The following SYN3 variants were observed in gnomAD, a reference collection of about 807,000 sequenced individuals.
SYN3 encodes synapsin III.
Under a neutral mutation model 65.8 loss-of-function variants are expected in SYN3, and 35 were observed. The ratio of observed to expected loss-of-function variants is 0.53; its 90% CI spans 0.41 to 0.70. SYN3 has a LOEUF of 0.70. SYN3 is among the 30% of genes least tolerant of loss of function. The pLI, the probability that SYN3 is intolerant of heterozygous loss-of-function variation, is 0.00. For synonymous variants in SYN3, 270 were observed against 292.9 expected, an observed-to-expected ratio of 0.92 and a Z score of 0.80; for missense variants, 680 against 749.0, an observed-to-expected ratio of 0.91 and a Z score of 1.08.
At chr22:32,794,816 G>C (rs1437194317) in intron 6 of SYN3, among the ~76,000 whole-genome samples, 2 of 152,214 alleles carry the variant, frequency 1.3e-5, no homozygotes, top group Non-Finnish European at 2.9e-5. Flanking sequence ...GGTGACTCTA[G>C]CTGAATCCTG....
At chr22:32,624,350 A>C (rs1418650084) in intron 6 of SYN3, among the ~76,000 whole-genome samples, 1 of 152,200 alleles carries the variant, frequency 6.6e-6, no homozygotes, top group African/African-American at 2.4e-5. Flanking sequence ...TCTGCCTTGC[A>C]GTCCCCAGGA....
At chr22:32,993,252 G>T (rs189653675) in intron 2 of SYN3, among the ~76,000 whole-genome samples, 1 of 152,086 alleles carries the variant, frequency 6.6e-6, no homozygotes, top group African/African-American at 2.4e-5. Flanking sequence ...GGGGCCCGGG[G>T]ATCCAGGGAC....
chr22:32,522,250 G>C (rs370739610), intron 12 of SYN3, among the ~76,000 whole-genome samples: 1 of 152,142 alleles, frequency 6.6e-6, no homozygotes, highest in East Asian at 1.9e-4. Context: ...TAATCTGAGC[G>C]TTAATTCACT....
intron 6 of SYN3, among the ~76,000 whole-genome samples, chr22:32,690,913 C>T (rs1242422323): frequency 2.0e-5 from 3 of 152,170 alleles, no homozygotes; most frequent in Admixed American, 6.5e-5. Flanking sequence ...ACTCCAGAGG[C>T]AGAGGCTGGA....
At chr22:32,795,167 A>G (rs1203491892) in intron 6 of SYN3, among the ~76,000 whole-genome samples, 1 of 152,232 alleles carries the variant, frequency 6.6e-6, no homozygotes, top group Non-Finnish European at 1.5e-5. Flanking sequence ...AGCACAAGTG[A>G]ATCATTTCAA....
chr22:32,682,374 C>T (rs2147117943), intron 6 of SYN3, among the ~76,000 whole-genome samples: 1 of 152,300 alleles, frequency 6.6e-6, no homozygotes, highest in Middle Eastern at 3.4e-3. Flanking sequence ...ATTTGACTTA[C>T]ATTTTGCAAG....
At chr22:32,821,626 G>A (rs1247673603) in intron 6 of SYN3, among the ~76,000 whole-genome samples, 1 of 152,226 alleles carries the variant, frequency 6.6e-6, no homozygotes, top group East Asian at 1.9e-4. Flanking sequence ...AAATCGGATG[G>A]AAGAGCGGAG....
chr22:32,939,713 T>C (rs1220739668), intron 3 of SYN3, among the ~76,000 whole-genome samples: 2 of 152,232 alleles, frequency 1.3e-5, no homozygotes, highest in African/African-American at 4.8e-5. Context: ...CTGTGTAGTA[T>C]TTCATTGTCT....
At chr22:32,623,143 T>C (rs998564057) in intron 6 of SYN3, among the ~76,000 whole-genome samples, 6 of 152,110 alleles carry the variant, frequency 3.9e-5, no homozygotes, top group African/African-American at 1.4e-4. Flanking sequence ...GGAGAGAAAG[T>C]TGTCACAGAT....
At chr22:32,540,382 G>A (rs929188889) in intron 8 of SYN3, among the ~76,000 whole-genome samples, 2 of 152,182 alleles carry the variant, frequency 1.3e-5, no homozygotes, top group African/African-American at 4.8e-5. Flanking sequence ...GCGGATGGAG[G>A]GACTTTCCAG....
At chr22:32,617,772 T>TG (rs1285747180) in intron 6 of SYN3, among the ~76,000 whole-genome samples, 3 of 151,022 alleles carry the variant, frequency 2.0e-5, no homozygotes, top group African/African-American at 7.3e-5. Context: ...ATGGAAGGGG[T>TG]GTGTGTGAGG....
At chr22:32,955,125 TC>T (rs2051412484) in intron 3 of SYN3, among the ~76,000 whole-genome samples, 1 of 152,054 alleles carries the variant, frequency 6.6e-6, no homozygotes, top group African/African-American at 2.4e-5. Flanking sequence ...AGTCTGCACA[TC>T]CAGGGAACAG....
At chr22:33,012,185 T>C (rs2053366852) in intron 1 of SYN3, among the ~76,000 whole-genome samples, 1 of 152,200 alleles carries the variant, frequency 6.6e-6, no homozygotes, top group Admixed American at 6.6e-5. Flanking sequence ...TAAAGCAATG[T>C]GCTTCCCTCC....
At chr22:32,515,405 C>T (rs2057754871) in intron 13 of SYN3, among the ~76,000 whole-genome samples, 1 of 152,160 alleles carries the variant, frequency 6.6e-6, no homozygotes, top group Non-Finnish European at 1.5e-5. Context: ...CCCCATTCCA[C>T]ATGTGAGGAA....
At chr22:32,578,881 C>A (rs2058894322) in intron 7 of SYN3, among the ~76,000 whole-genome samples, 1 of 152,172 alleles carries the variant, frequency 6.6e-6, no homozygotes, top group Non-Finnish European at 1.5e-5. Context: ...CTATTGAACT[C>A]TGATTTTGTA....
intron 6 of SYN3, among the ~76,000 whole-genome samples, chr22:32,737,226 A>G (rs549961694): frequency 6.6e-6 from 1 of 152,342 alleles, no homozygotes; most frequent in South Asian, 2.1e-4. Context: ...GAGGTTAGGT[A>G]CTTGTATTCT....
intron 12 of SYN3, among the ~76,000 whole-genome samples, chr22:32,521,418 T>C (rs987901800): frequency 2.0e-5 from 3 of 151,036 alleles, no homozygotes; most frequent in Non-Finnish European, 4.4e-5. Flanking sequence ...GCTGGAAATC[T>C]AGATGTTTAA....
chr22:32,781,234 G>T (rs1232420751), intron 6 of SYN3, among the ~76,000 whole-genome samples: 1 of 151,986 alleles, frequency 6.6e-6, no homozygotes, highest in East Asian at 1.9e-4. Context: ...TGGACTCACT[G>T]GGAAGTGCCA....
intron 6 of SYN3, among the ~76,000 whole-genome samples, chr22:32,650,164 T>C (rs192719571): frequency 1.1e-3 from 167 of 152,132 alleles, no homozygotes; most frequent in Non-Finnish European, 1.9e-3. Context: ...CCAGCATTCA[T>C]TGAGCATGTA....
Sources: gnomAD v4.1 joint callset for allele counts (sites outside exome capture counted in the v4.1 genomes callset) on GRCh38, gnomAD v4.1.1 for gene constraint, MANE v1.5 for transcripts, NCBI Gene and HGNC (gene_info 2026-07-23, HGNC 2026-07-21) for gene names.